The following DZIP1L variants were observed in gnomAD, a reference collection of about 807,000 sequenced individuals.
The protein encoded by DZIP1L is cilium assembly protein DZIP1L.
DZIP1L carries 90 observed loss-of-function variants against 88.7 expected under a neutral mutation model. That is an observed-to-expected ratio of 1.02 (90% CI 0.86 to 1.21). The LOEUF (loss-of-function observed/expected upper bound fraction) is 1.21. DZIP1L is among the 50% of genes most tolerant of loss of function. The pLI, the probability that DZIP1L is intolerant of heterozygous loss-of-function variation, is 0.00. For missense variants in DZIP1L, 932 were observed against 955.8 expected (o/e 0.98, Z 0.33); for synonymous variants, 363 against 372.1 (o/e 0.98, Z 0.28).
chr3:138,076,070 G>C (rs1943394082), intron 11 of DZIP1L, among the ~76,000 whole-genome samples: 1 of 152,204 alleles, frequency 6.6e-6, no homozygotes, highest in Non-Finnish European at 1.5e-5. Flanking sequence ...GAGTGGCTGA[G>C]GAGTGGGCCC....
intron 2 of DZIP1L, chr3:138,102,696 G>T: frequency 2.2e-6 from 2 of 901,018 alleles, no homozygotes; most frequent in Non-Finnish European, 3.8e-6. Context: ...GGTTAAGGGG[G>T]CTCAGCAGGC....
In DZIP1L at chr3:138,067,708, G is replaced by A. The variant is rs747074636; in HGVS notation, c.1833-8C>T. Reference sequence around the variant, plus strand: ...GAACTGAACGGGGGCGTGCTGCCACGAGGAGGAGAAGAAATGAGGGATGCA... The same window carrying A: ...GAACTGAACGGGGGCGTGCTGCCACAAGGAGGAGAAGAAATGAGGGATGCA... On this transcript the variant is annotated splice_polypyrimidine_tract_variant and splice_region_variant and intron_variant, in intron 13 of 15. Coordinates refer to ENST00000327532, the MANE Select transcript of DZIP1L (RefSeq NM_173543.3). The A allele has an allele frequency of 8.4e-6, 13 of 1,539,662 alleles. No homozygotes were observed. The East Asian group carries it at 9.8e-5, about 12-fold the overall frequency.
At chr3:138,076,924 A>G (rs1461171505) in intron 11 of DZIP1L, among the ~76,000 whole-genome samples, 4 of 152,250 alleles carry the variant, frequency 2.6e-5, no homozygotes, top group Non-Finnish European at 2.9e-5. Flanking sequence ...ATTAAATTTC[A>G]GATATTTTAT....
intron 2 of DZIP1L, among the ~76,000 whole-genome samples, chr3:138,099,268 A>G (rs1944616041): frequency 1.3e-5 from 2 of 152,258 alleles, no homozygotes; most frequent in African/African-American, 4.8e-5. Flanking sequence ...AATGCAGTCC[A>G]ACACAAATTT....
intron 1 of DZIP1L, among the ~76,000 whole-genome samples, chr3:138,106,126 T>TC (rs2042477462): frequency 7.4e-6 from 1 of 134,380 alleles, no homozygotes; most frequent in African/African-American, 3.0e-5. Flanking sequence ...CAGTCTTCTT[T>TC]CTTTTTTTTT....
intron 2 of DZIP1L, chr3:138,102,357 G>A: frequency 8.4e-7 from 1 of 1,192,820 alleles, no homozygotes; most frequent in Middle Eastern, 2.7e-4. Flanking sequence ...CTCCATCTTT[G>A]TATGCTTATT....
At chr3:138,095,928 T>C (rs765916739) in intron 3 of DZIP1L, among the ~76,000 whole-genome samples, 2 of 152,154 alleles carry the variant, frequency 1.3e-5, no homozygotes, top group Non-Finnish European at 2.9e-5. Context: ...CTAAACCACA[T>C]ACTGACGATA....
chr3:138,106,374 G>A (rs955933609), intron 1 of DZIP1L, among the ~76,000 whole-genome samples: 9 of 150,450 alleles, frequency 6.0e-5, no homozygotes, highest in African/African-American at 2.0e-4. Flanking sequence ...TCCTGACCTC[G>A]TGATCCACCC....
intron 1 of DZIP1L, among the ~76,000 whole-genome samples, chr3:138,109,734 A>T (rs955232882): frequency 2.6e-5 from 4 of 152,254 alleles, no homozygotes; most frequent in Non-Finnish European, 5.9e-5. Flanking sequence ...GATAGACTGG[A>T]TGAAGAAAAT....
chr3:138,109,879 T>C lies in DZIP1L; in HGVS notation c.-82+5449A>G, dbSNP rs376776709. On this transcript the variant is annotated intron_variant, in intron 1 of 15. Transcript: ENST00000327532. ...CAGGAACAGAAAACCAAACACAGCA[T>C]GTTCTCACTCATAAGTGGGAGTTGA... 3.9e-5 allele frequency among the ~76,000 whole-genome samples: 6 copies of C among 152,324 alleles called. No homozygotes were observed. The South Asian group carries it at 8.3e-4, about 21-fold the overall frequency.
chr3:138,114,399 T>C (rs188794790), intron 1 of DZIP1L, among the ~76,000 whole-genome samples: 15 of 152,270 alleles, frequency 9.9e-5, no homozygotes, highest in African/African-American at 3.4e-4. Flanking sequence ...TCAAAAAATA[T>C]TCCCAGATGA....
chr3:138,085,808 G>T (rs1193811048), intron 7 of DZIP1L, among the ~76,000 whole-genome samples: 1 of 152,112 alleles, frequency 6.6e-6, no homozygotes, highest in East Asian at 1.9e-4. Context: ...ACACGCACAC[G>T]TATGTTTATT....
At chr3:138,083,991 C>T (rs1943800359) in intron 8 of DZIP1L, 122 bp downstream of exon 8, 1 of 1,390,450 alleles carries the variant, frequency 7.2e-7, no homozygotes, top group South Asian at 1.5e-5. Context: ...GGACTCTTCT[C>T]TCTCCTTAAG....
intron 2 of DZIP1L, among the ~76,000 whole-genome samples, chr3:138,098,413 A>G (rs138640313): frequency 2.0e-5 from 3 of 152,364 alleles, no homozygotes; most frequent in Non-Finnish European, 4.4e-5. Flanking sequence ...GAGAAACACC[A>G]GAGGCAGAGA....
intron 1 of DZIP1L, among the ~76,000 whole-genome samples, chr3:138,105,120 G>A (rs897798246): frequency 6.6e-6 from 1 of 152,064 alleles, no homozygotes; most frequent in Admixed American, 6.6e-5. Flanking sequence ...ATATATATAT[G>A]TAAACACACA....
chr3:138,094,142 T>G (rs1353657394), intron 4 of DZIP1L, among the ~76,000 whole-genome samples: 1 of 152,172 alleles, frequency 6.6e-6, no homozygotes, highest in Non-Finnish European at 1.5e-5. Flanking sequence ...ACAATTACAA[T>G]AGTAACATCA....
intron 2 of DZIP1L, among the ~76,000 whole-genome samples, chr3:138,099,852 G>T (rs1944645986): frequency 6.6e-6 from 1 of 152,172 alleles, no homozygotes; most frequent in Admixed American, 6.5e-5. Flanking sequence ...GAACCTTCCA[G>T]CCAGCAGAAC....
At chr3:138,101,015 ACAC>A (rs1185556178) in intron 2 of DZIP1L, among the ~76,000 whole-genome samples, 1 of 151,952 alleles carries the variant, frequency 6.6e-6, no homozygotes, top group Non-Finnish European at 1.5e-5. Flanking sequence ...CCCCTCACAC[ACAC>A]CTTTACACAA....
intron 11 of DZIP1L, 31 bp from the exon 12 acceptor site, chr3:138,071,866 G>A (rs770948417): frequency 6.3e-7 from 1 of 1,582,380 alleles, no homozygotes; most frequent in African/African-American, 1.3e-5. Flanking sequence ...CCTTTACAGA[G>A]AGAGGCTACC....
Sources: gnomAD v4.1 joint callset for allele counts (sites outside exome capture counted in the v4.1 genomes callset) on GRCh38, gnomAD v4.1.1 for gene constraint, MANE v1.5 for transcripts, NCBI Gene and HGNC (gene_info 2026-07-23, HGNC 2026-07-21) for gene names.